GALNT13: variants seen among roughly 807,000 people sequenced by gnomAD.
The protein encoded by GALNT13 is polypeptide N-acetylgalactosaminyltransferase 13, also known as UDP-GalNAc:polypeptide N-acetylgalactosaminyltransferase 13.
Under a neutral mutation model 64.2 loss-of-function variants are expected in GALNT13, and 28 were observed. That is an observed-to-expected ratio of 0.44 (90% CI 0.32 to 0.60). The LOEUF (loss-of-function observed/expected upper bound fraction) is 0.60, where lower values mean the gene tolerates loss of function less well. GALNT13 is among the 20% of genes least tolerant of loss of function. The pLI is 0.05. For missense variants in GALNT13, 577 were observed against 669.8 expected (o/e 0.86, Z 1.53); for synonymous variants, 214 against 224.6 (o/e 0.95, Z 0.42).
At chr2:154,414,602 A>G (rs1469008242) in intron 11 of GALNT13, among the ~76,000 whole-genome samples, 1 of 151,852 alleles carries the variant, frequency 6.6e-6, no homozygotes, top group Non-Finnish European at 1.5e-5. Context: ...GCATTTAATG[A>G]TTTTAAAAAC....
rs145068487 is a variant in GALNT13 at position 153,892,782 on chromosome 2, C to G, written c.-176-8154C>G. Among the ~76,000 whole-genome samples, 41 of 152,036 alleles carry G rather than the reference C, an allele frequency of 2.7e-4. 1 individual carries two copies. Among genetic ancestry groups the G allele is most frequent in the African/African-American group, 9.4e-4 (39 of 41,508 alleles). On this transcript the variant is annotated intron_variant, in intron 1 of 12. Coordinates refer to ENST00000392825, the MANE Select transcript of GALNT13 (RefSeq NM_052917.4). Reference sequence around the variant, plus strand: ...CTAATTTTCCAACTGTTAATTCTTTCCATTTCTGTCCTCTGTCTTCATTTT... The same window carrying G: ...CTAATTTTCCAACTGTTAATTCTTTGCATTTCTGTCCTCTGTCTTCATTTT...
chr2:153,354,485 G>A, the GALNT13 span, among the ~76,000 whole-genome samples: 293 of 152,272 alleles, frequency 1.9e-3, 1 homozygote, highest in African/African-American at 6.3e-3. Flanking sequence ...TGAATGAAGG[G>A]AAGAAAATAT....
chr2:154,113,687 A>G (rs748015784), intron 3 of GALNT13, among the ~76,000 whole-genome samples: 13 of 152,220 alleles, frequency 8.5e-5, no homozygotes, highest in Non-Finnish European at 1.5e-4. Flanking sequence ...ACTGGATCCA[A>G]TCAGCATAAT....
the GALNT13 span, among the ~76,000 whole-genome samples, chr2:153,410,442 T>G: frequency 6.6e-6 from 1 of 152,088 alleles, no homozygotes; most frequent in Non-Finnish European, 1.5e-5. Context: ...ATATTCAAAG[T>G]AAGAGTACAA....
chr2:153,102,499 T>C, the GALNT13 span, among the ~76,000 whole-genome samples: 1 of 152,220 alleles, frequency 6.6e-6, no homozygotes, highest in Non-Finnish European at 1.5e-5. Flanking sequence ...TGTGCAGATA[T>C]ACTTCCTTGG....
intron 4 of GALNT13, among the ~76,000 whole-genome samples, chr2:154,194,905 C>T (rs866948093): frequency 1.2e-4 from 18 of 148,728 alleles, no homozygotes; most frequent in East Asian, 2.0e-4. Context: ...ATGTACAGAA[C>T]GTACAGGTTT....
chr2:154,444,687 A>G (rs76512336), intron 12 of GALNT13, among the ~76,000 whole-genome samples: 8,183 of 152,214 alleles, frequency 0.054, 271 homozygotes, highest in Middle Eastern at 0.088. Context: ...AGATGTAGAC[A>G]TTGATGTTCA....
chr2:154,064,104 A>G (rs1700334821), intron 3 of GALNT13, among the ~76,000 whole-genome samples: 1 of 152,172 alleles, frequency 6.6e-6, no homozygotes, highest in African/African-American at 2.4e-5. Context: ...AGGACATTGC[A>G]TTAGAACCCA....
At chr2:153,172,188 A>G in the GALNT13 span, 1 of 152,222 alleles carries the variant, frequency 6.6e-6, no homozygotes, top group Non-Finnish European at 1.5e-5. Flanking sequence ...ATCCTAGCCT[A>G]GTATTTTATT....
chr2:153,079,208 G>A, the GALNT13 span, among the ~76,000 whole-genome samples: 1 of 152,224 alleles, frequency 6.6e-6, no homozygotes, highest in South Asian at 2.1e-4. Context: ...GGGAGGAGGG[G>A]ATAATAATAG....
At chr2:154,091,887 C>T (rs1701826261) in intron 3 of GALNT13, among the ~76,000 whole-genome samples, 1 of 151,650 alleles carries the variant, frequency 6.6e-6, no homozygotes, top group Admixed American at 6.6e-5. Flanking sequence ...AAGGTAGACT[C>T]TATAGTCAAA....
the GALNT13 span, among the ~76,000 whole-genome samples, chr2:153,731,977 T>C: frequency 1.3e-5 from 2 of 152,036 alleles, no homozygotes; most frequent in Non-Finnish European, 2.9e-5. Flanking sequence ...TAAAGTCATG[T>C]GTTGCTTTTT....
chr2:153,071,600 C>G, the GALNT13 span, among the ~76,000 whole-genome samples: 562 of 152,240 alleles, frequency 3.7e-3, 4 homozygotes, highest in Middle Eastern at 0.017. Context: ...GGCCAGAGCT[C>G]CAGAGTGGTT....
chr2:153,730,597 A>G, the GALNT13 span, among the ~76,000 whole-genome samples: 1 of 152,102 alleles, frequency 6.6e-6, no homozygotes, highest in East Asian at 1.9e-4. Flanking sequence ...GAAATTATCA[A>G]CAAATAAACA....
rs1701834449 is a variant in GALNT13 at position 154,450,499 on chromosome 2, G to A, written c.1619G>A (p.Ser540Asn). 1 of 1,612,604 alleles carries A rather than the reference G, an allele frequency of 6.2e-7. No individual in the cohort carries two copies. Among genetic ancestry groups the A allele is most frequent in the East Asian group, 2.2e-5 (1 of 44,814 alleles). Residue 540 changes from serine (S) to asparagine (N), a missense_variant, in exon 13 of 13, where the codon AGT (serine) becomes AAT (asparagine). This residue lies in a region of GALNT13 where 232 missense variants were observed against 270.6 expected (regional missense o/e 0.86). Transcript: ENST00000392825. The part of the protein sequence containing the change: ...DKMVPTMQDC[S>N]GSRSQQWLLR... ...ATGGTGCCTACAATGCAGGACTGTA[G>A]TGGAAGCAGATCCCAACAGTGGCTG...
chr2:153,448,699 C>A, the GALNT13 span, among the ~76,000 whole-genome samples: 3 of 152,132 alleles, frequency 2.0e-5, no homozygotes, highest in East Asian at 5.8e-4. Flanking sequence ...ACCTATTCTA[C>A]CTCTCCCCCT....
At chr2:153,913,022 T>C in intron 2 of GALNT13, among the ~76,000 whole-genome samples, 1 of 151,920 alleles carries the variant, frequency 6.6e-6, no homozygotes, top group Non-Finnish European at 1.5e-5. Context: ...GAGACAGGGG[T>C]CCTCCACTGG....
At position 154,361,898 on chromosome 2, in the gene GALNT13, C is replaced by T. The variant is rs146221177; in HGVS notation, c.1157-34093C>T. 2.8e-3 allele frequency among the ~76,000 whole-genome samples: 426 copies of T among 152,140 alleles called. 3 individuals are homozygous for T. The highest frequency in any genetic ancestry group is 9.5e-3 in the African/African-American group (393 of 41,542). The stretch of plus-strand genomic sequence containing the variant: ...CTTAGTTTAGCTTCTGGCACTCTTT[C>T]CAAGACTTATTTATTTTGGAAAACT... On this transcript the variant is annotated intron_variant, in intron 9 of 12. Coordinates refer to ENST00000392825, the MANE Select transcript of GALNT13 (RefSeq NM_052917.4).
intron 4 of GALNT13, among the ~76,000 whole-genome samples, chr2:154,217,062 A>G (rs2105813880): frequency 6.6e-6 from 1 of 151,874 alleles, no homozygotes; most frequent in African/African-American, 2.4e-5. Context: ...AAAAGCACTA[A>G]GATAACAGGC....
Sources: gnomAD v4.1 joint callset for allele counts (sites outside exome capture counted in the v4.1 genomes callset) on GRCh38, gnomAD v4.1.1 for gene constraint, gnomAD v4.1.1 regional missense constraint, MANE v1.5 for transcripts, NCBI Gene and HGNC (gene_info 2026-07-23, HGNC 2026-07-21) for gene names.